Variants in SIPA1L2 observed in about 807,000 individuals in gnomAD.
SIPA1L2 encodes signal induced proliferation associated 1 like 2, also known as signal-induced proliferation-associated 1-like protein 2.
In SIPA1L2, 56 loss-of-function variants were observed where a neutral mutation model predicts 163.9. The observed-to-expected ratio is 0.34, with a 90% CI of 0.28 to 0.43. The LOEUF (loss-of-function observed/expected upper bound fraction) is 0.43. Among genes scored for constraint, SIPA1L2 ranks in the 20% least tolerant of loss-of-function variants. The probability of loss-of-function intolerance (pLI) is 1.00; values close to 1 mark genes in which losing one functional copy is unlikely to be tolerated. For synonymous variants in SIPA1L2, 877 were observed against 865.7 expected (o/e 1.01, Z -0.23); for missense variants, 1,974 against 2,193.5 (o/e 0.90, Z 2.00).
intron 2 of SIPA1L2, among the ~76,000 whole-genome samples, chr1:232,525,233 CTT>C (rs11389753): frequency 0.013 from 1,366 of 102,846 alleles, 12 homozygotes; most frequent in African/African-American, 0.051. Flanking sequence ...ATAATAATAG[CTT>C]TTTTTTTTTT....
intron 2 of SIPA1L2, among the ~76,000 whole-genome samples, chr1:232,552,461 C>T (rs888152609): frequency 2.0e-5 from 3 of 151,866 alleles, no homozygotes; most frequent in African/African-American, 7.3e-5. Context: ...GCAATCATAG[C>T]TGAGGCTCAA....
chr1:232,592,484 AG>A (rs1322607408), intron 1 of SIPA1L2, among the ~76,000 whole-genome samples: 1 of 152,238 alleles, frequency 6.6e-6, no homozygotes, highest in Non-Finnish European at 1.5e-5. Context: ...TTATAAATCA[AG>A]TCTGTTGATC....
chr1:232,579,180 A>G (rs1431251878), intron 1 of SIPA1L2, among the ~76,000 whole-genome samples: 1 of 152,252 alleles, frequency 6.6e-6, no homozygotes, highest in Non-Finnish European at 1.5e-5. Flanking sequence ...GTTCTGAGAA[A>G]GTGAAGGCAA....
chr1:232,485,916 AC>A lies in SIPA1L2; in HGVS notation c.1807-1951del, dbSNP rs575915555. 7.5e-3 allele frequency among the ~76,000 whole-genome samples: 1,148 copies of A among 152,236 alleles called. 18 individuals are homozygous for A. Among genetic ancestry groups the A allele is most frequent in the Non-Finnish European group, 0.012 (840 of 68,018 alleles). On this transcript the variant is annotated intron_variant, in intron 5 of 22. Coordinates refer to ENST00000674635, the MANE Select transcript of SIPA1L2 (RefSeq NM_020808.5). The stretch of plus-strand genomic sequence containing the variant: ...CCTCTGCACCCAGTAGAATTGCTGC[AC>A]CATCATCCTCATCCTCGGAGGTCAC...
intron 2 of SIPA1L2, among the ~76,000 whole-genome samples, chr1:232,561,317 T>C (rs968389991): frequency 1.3e-5 from 2 of 152,248 alleles, no homozygotes; most frequent in South Asian, 2.1e-4. Context: ...TTATTTTAAA[T>C]GGGTTTGCAC....
chr1:232,440,657 C>T (rs1435441700), intron 14 of SIPA1L2, among the ~76,000 whole-genome samples: 5 of 152,190 alleles, frequency 3.3e-5, no homozygotes, highest in Admixed American at 2.6e-4. Context: ...ATTATCTTCA[C>T]CTGAACATTT....
At chr1:232,571,387 C>T (rs900193364) in intron 2 of SIPA1L2, among the ~76,000 whole-genome samples, 1 of 152,148 alleles carries the variant, frequency 6.6e-6, no homozygotes, top group Non-Finnish European at 1.5e-5. Context: ...TTTAAGTGTG[C>T]ATGTGGGTTT....
intron 1 of SIPA1L2, among the ~76,000 whole-genome samples, chr1:232,589,223 C>T (rs4649388): frequency 0.28 from 42,657 of 152,102 alleles, 6,129 homozygotes; most frequent in African/African-American, 0.32. Flanking sequence ...TACGTATTCA[C>T]TGAGGTTTCT....
At chr1:232,441,938 C>A in intron 12 of SIPA1L2, 70 bp from the exon 13 acceptor site, 1 of 1,352,770 alleles carries the variant, frequency 7.4e-7, no homozygotes, top group Non-Finnish European at 1.0e-6. Flanking sequence ...CACGGGAGTG[C>A]TGGCTTCCAA....
In SIPA1L2 at chr1:232,411,039, A is replaced by G. The variant is rs553522554; in HGVS notation, c.4762+4455T>C. 3.3e-5 allele frequency among the ~76,000 whole-genome samples: 5 copies of G among 152,280 alleles called. No individual in the cohort carries two copies. The South Asian group carries it at 1.0e-3, about 32-fold the overall frequency. ...TTCTGGGTAAATAAAGAGCCCCACA[A>G]CTGGGATCAGCCAAGCTGGGCAGGC... is the stretch of plus-strand genomic sequence containing the variant. On this transcript the variant is annotated intron_variant, in intron 19 of 22. Coordinates refer to ENST00000674635, the MANE Select transcript of SIPA1L2 (RefSeq NM_020808.5).
intron 2 of SIPA1L2, among the ~76,000 whole-genome samples, chr1:232,518,748 TTC>T (rs1171550942): frequency 6.6e-6 from 1 of 152,192 alleles, no homozygotes; most frequent in African/African-American, 2.4e-5. Context: ...GACTTCCTGC[TTC>T]TCTCTGTGTG....
rs114956544 is a variant in SIPA1L2, at chr1:232,585,386, T to C, written c.-318-11164A>G. ...ACAATCTCATATATGGAAATGGTCA[T>C]AGGATCACCACAGAACAATTCAGAC... is the stretch of plus-strand genomic sequence containing the variant. On this transcript the variant is annotated intron_variant, in intron 1 of 22. Coordinates refer to ENST00000674635, the MANE Select transcript of SIPA1L2 (RefSeq NM_020808.5). Among the ~76,000 whole-genome samples the C allele has an allele frequency of 9.6e-3, 1,467 of 152,286 alleles. 31 individuals carry two copies. Among genetic ancestry groups the C allele is most frequent in the African/African-American group, 0.033 (1,389 of 41,558 alleles).
chr1:232,553,333 C>A (rs1214679974), intron 2 of SIPA1L2, among the ~76,000 whole-genome samples: 1 of 152,154 alleles, frequency 6.6e-6, no homozygotes, highest in Admixed American at 6.5e-5. Flanking sequence ...TGTTCATCTG[C>A]CCGTCTGCTC....
At chr1:232,470,368 G>A (rs1664741214) in intron 8 of SIPA1L2, among the ~76,000 whole-genome samples, 1 of 152,128 alleles carries the variant, frequency 6.6e-6, no homozygotes, top group Admixed American at 6.5e-5. Context: ...TAAGGCGACT[G>A]GGAAGTAAAA....
intron 2 of SIPA1L2, among the ~76,000 whole-genome samples, chr1:232,566,963 A>G (rs1659440031): frequency 6.6e-6 from 1 of 152,256 alleles, no homozygotes. Context: ...ATAATTGTAC[A>G]GATGCTTCTT....
chr1:232,619,139 T>G (rs559508691), intron 1 of SIPA1L2, among the ~76,000 whole-genome samples: 42 of 152,354 alleles, frequency 2.8e-4, no homozygotes, highest in Admixed American at 1.3e-3. Context: ...ACTGAGAGTG[T>G]TCTGTATGTA....
In SIPA1L2 at chr1:232,511,596, G is replaced by A. The variant is rs114276353; in HGVS notation, c.1483+2261C>T. Reference sequence around the variant, plus strand: ...CTCCATGAGAAAAAGTAATAAACAGGCTTCACAGTGGTTTAACGTTATAAG... The same window carrying A: ...CTCCATGAGAAAAAGTAATAAACAGACTTCACAGTGGTTTAACGTTATAAG... On this transcript the variant is annotated intron_variant, in intron 3 of 22. Transcript: ENST00000674635. Among the ~76,000 whole-genome samples the A allele has an allele frequency of 6.7e-3, 1,014 of 152,200 alleles. 14 individuals are homozygous for A. Among genetic ancestry groups the A allele is most frequent in the African/African-American group, 0.023 (971 of 41,532 alleles).
intron 1 of SIPA1L2, among the ~76,000 whole-genome samples, chr1:232,618,882 CT>C (rs1662648057): frequency 6.6e-6 from 1 of 152,030 alleles, no homozygotes; most frequent in Non-Finnish European, 1.5e-5. Flanking sequence ...GTAATTTTTC[CT>C]TTAGTTTTAT....
chr1:232,550,706 G>A (rs1658327563), intron 2 of SIPA1L2, among the ~76,000 whole-genome samples: 1 of 152,182 alleles, frequency 6.6e-6, no homozygotes, highest in African/African-American at 2.4e-5. Flanking sequence ...ACCAAGGCTG[G>A]CAACTCTTCT....
Sources: gnomAD v4.1 joint callset for allele counts (sites outside exome capture counted in the v4.1 genomes callset) on GRCh38, gnomAD v4.1.1 for gene constraint, MANE v1.5 for transcripts, NCBI Gene and HGNC (gene_info 2026-07-23, HGNC 2026-07-21) for gene names.